The following CCDC169 variants were observed in gnomAD, a reference collection of about 807,000 sequenced individuals.
CCDC169 encodes the protein coiled-coil domain-containing protein 169.
A neutral mutation model predicts 36.0 loss-of-function variants in CCDC169; 30 were observed. The observed-to-expected ratio is 0.83, with a 90% CI of 0.62 to 1.13. The LOEUF is 1.13. Ranked by LOEUF, CCDC169 falls within the 50% of genes most tolerant of loss-of-function variation. The pLI is 0.00. For missense variants in CCDC169, 245 were observed against 245.9 expected (o/e 1.00, Z 0.03); for synonymous variants, 85 against 81.5 (o/e 1.04, Z -0.23).
chr13:36,292,173 T>G (rs745507275), intron 2 of CCDC169, among the ~76,000 whole-genome samples: 2 of 152,030 alleles, frequency 1.3e-5, no homozygotes, highest in Non-Finnish European at 2.9e-5. Flanking sequence ...TTGTTATTTT[T>G]AGTACAGACA....
chr13:36,278,605 T>C (rs1169177999), intron 4 of CCDC169, among the ~76,000 whole-genome samples: 1 of 152,176 alleles, frequency 6.6e-6, no homozygotes, highest in African/African-American at 2.4e-5. Flanking sequence ...TTGACTTCTG[T>C]GATACCATTC....
chr13:36,290,415 G>A (rs886675788), intron 2 of CCDC169, among the ~76,000 whole-genome samples: 6 of 152,076 alleles, frequency 3.9e-5, no homozygotes, highest in Admixed American at 1.3e-4. Flanking sequence ...GTAACTGTCA[G>A]AACTAGGCAG....
At chr13:36,269,335 T>C (rs1258496591) in intron 4 of CCDC169, among the ~76,000 whole-genome samples, 1 of 152,168 alleles carries the variant, frequency 6.6e-6, no homozygotes, top group Admixed American at 6.5e-5. Flanking sequence ...ACAGCTAAAT[T>C]CTACCAGGCA....
intron 7 of CCDC169, 132 bp downstream of exon 7, chr13:36,248,474 C>T: frequency 5.4e-6 from 4 of 746,958 alleles, no homozygotes; most frequent in Non-Finnish European, 8.3e-6. Flanking sequence ...AGTTCTCTTA[C>T]CATATGCAAT....
intron 4 of CCDC169, among the ~76,000 whole-genome samples, chr13:36,258,226 G>A (rs1400187728): frequency 6.6e-6 from 1 of 152,170 alleles, no homozygotes; most frequent in Non-Finnish European, 1.5e-5. Context: ...GGTGGGTGCA[G>A]GCTCCATCAG....
Position 36,248,647 on chromosome 13 carries a change from CT to C in CCDC169, c.503del (p.Gln168ArgfsTer12). On this transcript the variant is annotated frameshift_variant, in exon 7 of 8. Transcript: ENST00000239859. LOFTEE classifies it high-confidence loss of function. Reference protein sequence around the residue: ...SGLHQVSKRQQVDQLPRMQEN... With the variant: ...SGLHQVSKRQXVDQLPRMQEN... ...CTTGCATCCTAGGCAGTTGATCCACCTGTTGCCTTTTAGAAACTTGATGTAA... is the reference window on the plus strand; with the variant it reads ...CTTGCATCCTAGGCAGTTGATCCACCGTTGCCTTTTAGAAACTTGATGTAA... The C allele has an allele frequency of 6.4e-7, 1 of 1,550,596 alleles. No individual in the cohort carries two copies. The highest frequency in any genetic ancestry group is 8.7e-7 in the Non-Finnish European group (1 of 1,146,312).
chr13:36,249,102 C>T (rs1404205035), intron 6 of CCDC169, among the ~76,000 whole-genome samples: 1 of 152,078 alleles, frequency 6.6e-6, no homozygotes, highest in African/African-American at 2.4e-5. Flanking sequence ...CTTGAAATTC[C>T]TCCAGGATAT....
chr13:36,257,204 G>A (rs1874005236), intron 4 of CCDC169, among the ~76,000 whole-genome samples: 1 of 152,142 alleles, frequency 6.6e-6, no homozygotes, highest in Non-Finnish European at 1.5e-5. Flanking sequence ...TTGGGGGAGT[G>A]GAAAGAGCTC....
In CCDC169 at chr13:36,285,584, A is replaced by AAGATAGATAGATAGATAGAT. The variant is rs367836854; in HGVS notation, c.164-1902_164-1883dup. 4.9e-3 allele frequency among the ~76,000 whole-genome samples: 676 copies of AAGATAGATAGATAGATAGAT among 138,128 alleles called. 3 individuals carry two copies. The highest frequency in any genetic ancestry group is 6.3e-3 in the African/African-American group (239 of 38,238). 90.6% of individuals were successfully genotyped at this position (138,128 alleles called of 152,430 possible). On this transcript the variant is annotated intron_variant, in intron 2 of 7. Transcript: ENST00000239859. ...AAAATTTTTCTCAAAAAAATAAAATAAGATAGATAGATAGATAGATAGATA... is the reference window on the plus strand; with the variant it reads ...AAAATTTTTCTCAAAAAAATAAAATAAGATAGATAGATAGATAGATAGATAGATAGATAGATAGATAGATA...
intron 7 of CCDC169, 99 bp from the exon 8 acceptor site, chr13:36,231,391 C>A: frequency 6.0e-6 from 7 of 1,166,180 alleles, no homozygotes; most frequent in Admixed American, 2.3e-5. Flanking sequence ...GCACCTTGTT[C>A]CCCCCAACAG....
intron 7 of CCDC169, among the ~76,000 whole-genome samples, chr13:36,239,237 T>A (rs1339719080): frequency 1.9e-5 from 1 of 51,442 alleles, no homozygotes; most frequent in Non-Finnish European, 3.5e-5. Context: ...GACCTGTCTC[T>A]TTAAAAAAAA....
chr13:36,273,025 C>T (rs1158418256), intron 4 of CCDC169, among the ~76,000 whole-genome samples: 1 of 152,186 alleles, frequency 6.6e-6, no homozygotes, highest in Non-Finnish European at 1.5e-5. Flanking sequence ...CACTGATATT[C>T]TTCTCTGCAG....
At chr13:36,287,250 T>C (rs966118766) in intron 2 of CCDC169, among the ~76,000 whole-genome samples, 1 of 152,114 alleles carries the variant, frequency 6.6e-6, no homozygotes, top group Non-Finnish European at 1.5e-5. Context: ...CTAACTAGAA[T>C]GTAAACACTG....
chr13:36,290,876 C>T (rs866399505), intron 2 of CCDC169, among the ~76,000 whole-genome samples: 1 of 151,606 alleles, frequency 6.6e-6, no homozygotes, highest in African/African-American at 2.4e-5. Context: ...CTGAGAGGCA[C>T]GATGGACCAG....
chr13:36,285,042 T>C (rs1378373089), intron 2 of CCDC169, among the ~76,000 whole-genome samples: 1 of 152,212 alleles, frequency 6.6e-6, no homozygotes, highest in Non-Finnish European at 1.5e-5. Flanking sequence ...TATGGAATCA[T>C]CTTTATAACT....
In CCDC169 at chr13:36,231,092, T is replaced by G; in HGVS notation, c.*101A>C. 1 of 1,447,644 alleles carries G rather than the reference T, an allele frequency of 6.9e-7. No individual in the cohort carries two copies. Among genetic ancestry groups the G allele is most frequent in the Non-Finnish European group, 9.1e-7 (1 of 1,103,790 alleles). The allele number at this position is 1,447,644 out of a possible 1,614,324, so 89.7% of individuals were successfully genotyped here. A position where few individuals can be genotyped will look rare whatever the true frequency, so the allele number is the denominator to read the frequency against. On this transcript the variant is annotated 3_prime_UTR_variant, in exon 8 of 8. Coordinates refer to ENST00000239859, the MANE Select transcript of CCDC169 (RefSeq NM_001144981.3). ...AAAGAAAAATGTGGCAGTTCTTATC[T>G]ATTTTATTCCCTGAAGAAATGTGCT... is the stretch of plus-strand genomic sequence containing the variant.
At chr13:36,248,883 C>T (rs1566066125) in intron 6 of CCDC169, among the ~76,000 whole-genome samples, 1 of 141,484 alleles carries the variant, frequency 7.1e-6, no homozygotes, top group Non-Finnish European at 1.5e-5. Context: ...CCTATCTCAG[C>T]CCCACAGTCC....
chr13:36,284,748 T>C (rs1443625308), intron 2 of CCDC169, among the ~76,000 whole-genome samples: 1 of 152,216 alleles, frequency 6.6e-6, no homozygotes, highest in Non-Finnish European at 1.5e-5. Context: ...TTTTCAACTT[T>C]AAATGCTCTT....
At chr13:36,285,611 A>ATAGATAGATAGATAGCTAGATAGC (rs1378218050) in intron 2 of CCDC169, among the ~76,000 whole-genome samples, 3 of 148,318 alleles carry the variant, frequency 2.0e-5, no homozygotes, top group Non-Finnish European at 4.4e-5. Context: ...AGATAGATAG[A>ATAGATAGATAGATAGCTAGATAGC]TAGATAGATA....
Sources: allele counts gnomAD v4.1 joint callset (sites outside exome capture counted in the v4.1 genomes callset), GRCh38; gene constraint gnomAD v4.1.1; transcripts MANE v1.5; gene names NCBI Gene and HGNC (gene_info 2026-07-23, HGNC 2026-07-21).